The following RERE variants were observed in gnomAD, a reference collection of about 807,000 sequenced individuals.
The protein encoded by RERE is arginine-glutamic acid dipeptide repeats protein.
In RERE, 40 loss-of-function variants were observed where a neutral mutation model predicts 146.1. The observed-to-expected ratio is 0.27, with a 90% CI of 0.21 to 0.36. The LOEUF is 0.36. RERE is among the 10% of genes least tolerant of loss of function. The probability of loss-of-function intolerance (pLI) is 1.00; values close to 1 mark genes in which losing one functional copy is unlikely to be tolerated. For missense variants in RERE, 1,933 were observed against 2,138.7 expected, an observed-to-expected ratio of 0.90 and a Z score of 1.90; for synonymous variants, 1,003 against 866.0, an observed-to-expected ratio of 1.16 and a Z score of -2.78.
rs758491579 is a variant in RERE, at chr1:8,360,518, A to G, written c.2989T>C (p.Leu997=). Residue 997 remains leucine, a synonymous_variant, in exon 18 of 23, where the codon TTG becomes CTG. Transcript: ENST00000400908. ...PLQLMPQSQP[L]PSSPAQPPGL... ...GGGGGCTGGGCGGGCGAGGAGGGCA[A>G]TGGCTGGCTCTGAGGCATGAGTTGC... 6.2e-6 allele frequency: 6 copies of G among 967,308 alleles called. No homozygotes were observed. Among genetic ancestry groups the G allele is most frequent in the Non-Finnish European group, 6.5e-6 (5 of 766,210 alleles). 59.9% of individuals were successfully genotyped at this position (967,308 alleles called of 1,614,324 possible). A position where few individuals can be genotyped will look rare whatever the true frequency, so the allele number is the denominator to read the frequency against.
chr1:8,360,395 G>A lies in RERE; in HGVS notation c.3112C>T (p.Pro1038Ser), dbSNP rs965223899. Residue 1038 changes from proline to serine, a missense_variant, in exon 18 of 23, where the codon CCC becomes TCC. Physicochemically the swap from Pro to Ser is moderately conservative, Grantham distance 74. Around this residue, in one of 11 missense-constraint regions of RERE, gnomAD observed 1,255 missense variants for 1,153.8 expected, o/e 1.09. Coordinates refer to ENST00000400908, the MANE Select transcript of RERE (RefSeq NM_001042681.2). ...VAPQPPFAQH[P>S]FVPGGPPPIT... Reference sequence around the variant, plus strand: ...GGAGGAGGGCCTCCAGGGACAAAGGGGTGCTGAGCAAACGGGGGTTGGGGG... The same window carrying A: ...GGAGGAGGGCCTCCAGGGACAAAGGAGTGCTGAGCAAACGGGGGTTGGGGG... The A allele has an allele frequency of 2.1e-6, 3 of 1,416,024 alleles. No homozygotes were observed. The highest frequency in any genetic ancestry group is 1.8e-6 in the Non-Finnish European group (2 of 1,086,898). 87.7% of individuals were successfully genotyped at this position (1,416,024 alleles called of 1,614,324 possible).
chr1:8,576,880 T>C (rs564468463), intron 4 of RERE, among the ~76,000 whole-genome samples: 1 of 152,310 alleles, frequency 6.6e-6, no homozygotes, highest in South Asian at 2.1e-4. Context: ...ATTCTAAAGA[T>C]ACATTTGTGC....
At chr1:8,496,254 C>A (rs954846892) in intron 9 of RERE, among the ~76,000 whole-genome samples, 1 of 151,842 alleles carries the variant, frequency 6.6e-6, no homozygotes, top group African/African-American at 2.4e-5. Flanking sequence ...TGCACAACAC[C>A]GTTGACTAGA....
At chr1:8,459,159 C>T (rs1192425155) in intron 11 of RERE, among the ~76,000 whole-genome samples, 2 of 152,146 alleles carry the variant, frequency 1.3e-5, no homozygotes, top group Admixed American at 1.3e-4. Flanking sequence ...GGGAATTAAC[C>T]ATAGGAAAAA....
At chr1:8,411,228 G>A (rs1323232861) in intron 12 of RERE, among the ~76,000 whole-genome samples, 1 of 151,684 alleles carries the variant, frequency 6.6e-6, no homozygotes, top group Admixed American at 6.6e-5. Flanking sequence ...CAACTCATCT[G>A]GTGGCCATAA....
chr1:8,441,302 T>C (rs1436735572), intron 11 of RERE, among the ~76,000 whole-genome samples: 1 of 152,186 alleles, frequency 6.6e-6, no homozygotes, highest in Non-Finnish European at 1.5e-5. Context: ...ATGTTCTCTT[T>C]CCAACAATCC....
chr1:8,471,051 A>G (rs7543004), intron 10 of RERE, among the ~76,000 whole-genome samples: 102,113 of 151,442 alleles, frequency 0.67, 35,371 homozygotes, highest in East Asian at 0.84. Flanking sequence ...TCTTGACCTC[A>G]TGATCCCCCC....
chr1:8,362,393 G>A (rs896039150), intron 16 of RERE, among the ~76,000 whole-genome samples: 11 of 152,178 alleles, frequency 7.2e-5, no homozygotes, highest in Non-Finnish European at 1.5e-5. Flanking sequence ...GATACCAAGG[G>A]AGGACTGTAC....
intron 1 of RERE, among the ~76,000 whole-genome samples, chr1:8,702,742 A>G (rs1202745702): frequency 2.0e-5 from 3 of 152,204 alleles, no homozygotes; most frequent in Non-Finnish European, 4.4e-5. Flanking sequence ...ATATACATAT[A>G]CATGTATTTT....
intron 2 of RERE, among the ~76,000 whole-genome samples, chr1:8,638,627 A>G (rs1010787698): frequency 5.9e-5 from 9 of 152,212 alleles, no homozygotes; most frequent in African/African-American, 2.2e-4. Context: ...ATATACGTTC[A>G]CTAAGAAAAC....
At chr1:8,717,394 TA>T (rs763301238) in intron 1 of RERE, among the ~76,000 whole-genome samples, 6 of 152,216 alleles carry the variant, frequency 3.9e-5, no homozygotes, top group Non-Finnish European at 7.3e-5. Flanking sequence ...GTTTTGTCAA[TA>T]AAAAGTGCTT....
intron 4 of RERE, among the ~76,000 whole-genome samples, chr1:8,561,513 T>C (rs1034137264): frequency 1.3e-5 from 2 of 152,174 alleles, no homozygotes; most frequent in African/African-American, 4.8e-5. Context: ...CCCAACCCTA[T>C]GAAAAGTGAA....
rs577012539 is a variant in RERE, at chr1:8,619,053, C to T, written c.397-4367G>A. Among the ~76,000 whole-genome samples the T allele has an allele frequency of 6.8e-4, 103 of 152,208 alleles. 1 individual carries two copies. The highest frequency in any genetic ancestry group is 2.2e-3 in the African/African-American group (90 of 41,526). ...CTGCTCACATTTGACAATGAAACAA[C>T]GAGAGGGATATGGTATTAAACGATA... On this transcript the variant is annotated intron_variant, in intron 3 of 22. Transcript: ENST00000400908.
chr1:8,613,474 G>A (rs947154656), intron 4 of RERE, among the ~76,000 whole-genome samples: 1 of 152,054 alleles, frequency 6.6e-6, no homozygotes, highest in East Asian at 1.9e-4. Flanking sequence ...ACTTCTTATT[G>A]ATGTATGAAA....
At chr1:8,454,430 TGTCA>T (rs1216727485) in intron 11 of RERE, among the ~76,000 whole-genome samples, 4 of 152,200 alleles carry the variant, frequency 2.6e-5, no homozygotes, top group Non-Finnish European at 5.9e-5. Context: ...CCTGACCTCC[TGTCA>T]AACACAGCTG....
At chr1:8,616,379 A>T (rs1323810160) in intron 3 of RERE, among the ~76,000 whole-genome samples, 1 of 152,122 alleles carries the variant, frequency 6.6e-6, no homozygotes, top group South Asian at 2.1e-4. Flanking sequence ...TTTTTTTAGT[A>T]CTTCTAACAG....
chr1:8,615,306 G>A (rs1646840113), intron 3 of RERE, among the ~76,000 whole-genome samples: 1 of 152,210 alleles, frequency 6.6e-6, no homozygotes, highest in African/African-American at 2.4e-5. Flanking sequence ...CACAAGGTGA[G>A]TATAATGAAT....
At chr1:8,407,893 A>G (rs1029984942) in intron 12 of RERE, among the ~76,000 whole-genome samples, 8 of 152,238 alleles carry the variant, frequency 5.3e-5, no homozygotes, top group Non-Finnish European at 1.2e-4. Flanking sequence ...CACCTGGCAG[A>G]AACCCTAGAG....
chr1:8,487,695 G>A (rs1644920427), intron 10 of RERE, among the ~76,000 whole-genome samples: 1 of 151,936 alleles, frequency 6.6e-6, no homozygotes, highest in African/African-American at 2.4e-5. Flanking sequence ...GAGGTTCAAG[G>A]AAGTGCAATA....
Sources: allele counts gnomAD v4.1 joint callset (sites outside exome capture counted in the v4.1 genomes callset), GRCh38; gene constraint gnomAD v4.1.1; regional missense constraint gnomAD v4.1.1; transcripts MANE v1.5; gene names NCBI Gene and HGNC (gene_info 2026-07-23, HGNC 2026-07-21).